Variants in RET observed in about 807,000 individuals in gnomAD.
The protein encoded by RET is ret proto-oncogene, also known as proto-oncogene tyrosine-protein kinase receptor Ret.
In RET, 19 loss-of-function variants were observed where a neutral mutation model predicts 118.3. That is an observed-to-expected ratio of 0.16 (90% CI 0.11 to 0.24). The LOEUF (loss-of-function observed/expected upper bound fraction) is 0.24. Among genes scored for constraint, RET ranks in the 10% least tolerant of loss-of-function variants. The pLI, the probability that RET is intolerant of heterozygous loss-of-function variation, is 1.00. For synonymous variants in RET, 597 were observed against 644.1 expected, an observed-to-expected ratio of 0.93 and a Z score of 1.11; for missense variants, 1,219 against 1,502.1, an observed-to-expected ratio of 0.81 and a Z score of 3.12.
At chr10:43,113,488 C>A (rs1308955041) in intron 9 of RET, 68 bp from the exon 10 acceptor site, 13 of 1,521,204 alleles carry the variant, frequency 8.5e-6, no homozygotes, top group Non-Finnish European at 1.1e-5. Flanking sequence ...GGGACACTGC[C>A]CTGGAAATAT....
At chr10:43,078,359 A>G (rs532351928) in intron 1 of RET, among the ~76,000 whole-genome samples, 2 of 152,326 alleles carry the variant, frequency 1.3e-5, no homozygotes, top group Non-Finnish European at 2.9e-5. Context: ...GAACAGAAGA[A>G]GCCATGGTCA....
chr10:43,105,050 G>C lies in RET; in HGVS notation c.724G>C (p.Val242Leu). 6.2e-7 allele frequency: 1 copy of C among 1,608,178 alleles called. No individual in the cohort carries two copies. Reference protein sequence around the residue: ...EQREKYELVAVCTVHAGAREE... With the variant: ...EQREKYELVALCTVHAGAREE... ...GCGGGAGAAGTACGAGCTGGTGGCC[G>C]TGTGCACCGTGCACGCCGGCGCGCG... Residue 242 changes from valine (V) to leucine (L), a missense_variant, in exon 4 of 20, where the codon GTG becomes CTG. Val to Leu is a conservative substitution (Grantham distance 32). Transcript: ENST00000355710.
intron 19 of RET, 43 bp downstream of exon 19, chr10:43,126,765 C>G: frequency 6.2e-7 from 1 of 1,608,966 alleles, no homozygotes; most frequent in Non-Finnish European, 8.5e-7. Flanking sequence ...CACCGCTGTC[C>G]CCTTTGCACT....
intron 14 of RET, 61 bp downstream of exon 14, chr10:43,119,806 G>T: frequency 6.5e-7 from 1 of 1,538,810 alleles, no homozygotes; most frequent in South Asian, 1.1e-5. Context: ...GACCCACCAC[G>T]CCCCTGCCAC....
At position 43,124,102 on chromosome 10, in the gene RET, G is replaced by A. The variant is rs115478952; in HGVS notation, c.2939+294G>A. ...GTCCCAGCAGGACACTTAGGGAGGA[G>A]AAGGTAATTCCAGATGGCCCAGGGG... On this transcript the variant is annotated intron_variant, in intron 17 of 19. Transcript: ENST00000355710. Among the ~76,000 whole-genome samples, 1,340 of 152,268 alleles carry A rather than the reference G, an allele frequency of 8.8e-3. 20 individuals are homozygous for A. Among genetic ancestry groups the A allele is most frequent in the African/African-American group, 0.031 (1,297 of 41,556 alleles).
chr10:43,078,013 G>C (rs1020498870), intron 1 of RET, among the ~76,000 whole-genome samples: 6 of 152,204 alleles, frequency 3.9e-5, no homozygotes, highest in Non-Finnish European at 8.8e-5. Context: ...CTGAAGATGC[G>C]GCCATAGGAG....
chr10:43,129,601 T>A lies in RET; in HGVS notation c.*1332T>A. Reference sequence around the variant, plus strand: ...CTGGCTGTGTTGTCAGCACTGTAACTTCGCAGAAAAGAGTCGGATTACCAA... The same window carrying A: ...CTGGCTGTGTTGTCAGCACTGTAACATCGCAGAAAAGAGTCGGATTACCAA... On this transcript the variant is annotated 3_prime_UTR_variant, in exon 20 of 20. Transcript: ENST00000355710. The A allele has an allele frequency of 4.1e-6, 1 of 246,620 alleles. No individual in the cohort carries two copies. Among genetic ancestry groups the A allele is most frequent in the Non-Finnish European group, 7.8e-6 (1 of 127,416 alleles). 15.3% of individuals were successfully genotyped at this position (246,620 alleles called of 1,614,324 possible). A position where few individuals can be genotyped will look rare whatever the true frequency, so the allele number is the denominator to read the frequency against.
At chr10:43,110,050 A>G (rs1034371610) in intron 6 of RET, among the ~76,000 whole-genome samples, 1 of 152,182 alleles carries the variant, frequency 6.6e-6, no homozygotes, top group Admixed American at 6.5e-5. Flanking sequence ...ACCCGTGTCC[A>G]GCCCACGAGG....
At chr10:43,096,577 C>T (rs527974643) in intron 1 of RET, among the ~76,000 whole-genome samples, 2 of 152,256 alleles carry the variant, frequency 1.3e-5, no homozygotes, top group Admixed American at 1.3e-4. Context: ...CTGCACTGGC[C>T]GTTCCTCCTC....
intron 1 of RET, among the ~76,000 whole-genome samples, chr10:43,085,065 G>A (rs943142606): frequency 7.2e-5 from 11 of 152,244 alleles, no homozygotes; most frequent in African/African-American, 2.4e-4. Flanking sequence ...TCAGGACAGC[G>A]GTGGATGCAC....
chr10:43,080,267 C>T (rs1287266564), intron 1 of RET, among the ~76,000 whole-genome samples: 4 of 152,202 alleles, frequency 2.6e-5, no homozygotes, highest in Non-Finnish European at 5.9e-5. Flanking sequence ...CTGCCATCTC[C>T]CCTGAGACCT....
At chr10:43,120,931 A>G (rs1564499561) in intron 15 of RET, among the ~76,000 whole-genome samples, 2 of 149,486 alleles carry the variant, frequency 1.3e-5, no homozygotes, top group Non-Finnish European at 3.0e-5. Flanking sequence ...CCTGCTCAAA[A>G]AAGAAGAAGA....
intron 1 of RET, among the ~76,000 whole-genome samples, chr10:43,089,644 A>G (rs1837369696): frequency 6.6e-6 from 1 of 152,232 alleles, no homozygotes; most frequent in South Asian, 2.1e-4. Flanking sequence ...ACCAGGGCCG[A>G]CAGCATTGTG....
chr10:43,091,280 A>G (rs1837404094), intron 1 of RET, among the ~76,000 whole-genome samples: 1 of 152,152 alleles, frequency 6.6e-6, no homozygotes. Flanking sequence ...TTAATCCAGA[A>G]TCTGTAGAGA....
chr10:43,107,826 C>T (rs1837819498), intron 5 of RET, among the ~76,000 whole-genome samples: 1 of 152,026 alleles, frequency 6.6e-6, no homozygotes, highest in African/African-American at 2.4e-5. Flanking sequence ...ATTGGTTTGG[C>T]CCCAAAATGC....
chr10:43,077,888 C>G (rs72781210), intron 1 of RET, among the ~76,000 whole-genome samples: 5,479 of 152,326 alleles, frequency 0.036, 121 homozygotes, highest in South Asian at 0.082. Context: ...TTTTGCCGCC[C>G]TGTCTTTAAA....
intron 12 of RET, among the ~76,000 whole-genome samples, chr10:43,117,788 A>G (rs1485759637): frequency 1.3e-5 from 2 of 152,204 alleles, no homozygotes; most frequent in South Asian, 2.1e-4. Context: ...TGTGCAGTGC[A>G]CTGGTAACAC....
In RET at chr10:43,120,185, C is replaced by G. The variant is rs1800863; in HGVS notation, c.2712C>G (p.Ser904=). The part of the protein sequence containing the change: ...GLSRDVYEED[S]YVKRSQGRIP... ...CCCGAGATGTTTATGAAGAGGATTC[C>G]TACGTGAAGAGGAGCCAGGTGCCCA... The change falls in exon 15 of 20, where the codon TCC becomes TCG. Residue 904 remains serine (S), a synonymous_variant. Coordinates refer to ENST00000355710, the MANE Select transcript of RET (RefSeq NM_020975.6). The G allele has an allele frequency of 0.19, 299,379 of 1,612,614 alleles. 29,767 individuals are homozygous for G. Among genetic ancestry groups the G allele is most frequent in the Admixed American group, 0.32 (18,920 of 59,910 alleles).
At chr10:43,125,165 C>A (rs892455448) in intron 18 of RET, among the ~76,000 whole-genome samples, 183 bp downstream of exon 18, 1 of 152,212 alleles carries the variant, frequency 6.6e-6, no homozygotes, top group Admixed American at 6.5e-5. Context: ...TCAGGCCAGG[C>A]CGCTTGGGCT....
Sources: gnomAD v4.1 joint callset for allele counts (sites outside exome capture counted in the v4.1 genomes callset) on GRCh38, gnomAD v4.1.1 for gene constraint, MANE v1.5 for transcripts, NCBI Gene and HGNC (gene_info 2026-07-23, HGNC 2026-07-21) for gene names.